SULF1: variants seen among roughly 807,000 people sequenced by gnomAD.
SULF1 encodes sulfatase 1.
SULF1 carries 46 observed loss-of-function variants against 110.5 expected under a neutral mutation model. The observed-to-expected ratio is 0.42, with a 90% CI of 0.33 to 0.53. SULF1 has a LOEUF of 0.53. Among genes scored for constraint, SULF1 ranks in the 20% least tolerant of loss-of-function variants. The probability of loss-of-function intolerance (pLI) is 0.12; values close to 1 mark genes in which losing one functional copy is unlikely to be tolerated. For synonymous variants in SULF1, 371 were observed against 387.1 expected, an observed-to-expected ratio of 0.96 and a Z score of 0.49; for missense variants, 941 against 1,094.2, an observed-to-expected ratio of 0.86 and a Z score of 1.98.
chr8:69,489,766 C>T (rs182288362), upstream of SULF1, among the ~76,000 whole-genome samples: 207 of 151,642 alleles, frequency 1.4e-3, 1 homozygote, highest in South Asian at 5.0e-3. Flanking sequence ...TCAGTAGAGA[C>T]GGGGTTTCAC....
intron 1 of SULF1, among the ~76,000 whole-genome samples, chr8:69,479,968 A>G (rs1206854724): frequency 6.6e-6 from 1 of 152,112 alleles, no homozygotes; most frequent in East Asian, 1.9e-4. Flanking sequence ...GTAATCAGGC[A>G]GTGTAAATGA....
chr8:69,533,035 G>C (rs1357521007), intron 3 of SULF1, among the ~76,000 whole-genome samples: 1 of 152,180 alleles, frequency 6.6e-6, no homozygotes, highest in Non-Finnish European at 1.5e-5. Flanking sequence ...ATGGCCACAT[G>C]ATCAAGAACA....
At chr8:69,652,142 T>C (rs1160605704) in intron 22 of SULF1, among the ~76,000 whole-genome samples, 2 of 152,102 alleles carry the variant, frequency 1.3e-5, no homozygotes, top group African/African-American at 4.8e-5. Context: ...TCTCGTTCTC[T>C]ACCCCTCCTT....
chr8:69,603,260 C>T lies in SULF1; in HGVS notation c.1130C>T (p.Pro377Leu). 1 of 1,614,150 alleles carries T rather than the reference C, an allele frequency of 6.2e-7. No individual in the cohort carries two copies. ...TILDIAGLDT[P>L]PDVDGKSVLK... ...CTGGATATTGCTGGGCTCGACACAC[C>T]TCCTGATGTGGACGGCAAGTCTGTC... Residue 377 changes from proline to leucine, a missense_variant, in exon 11 of 23, where the codon CCT (proline) becomes CTT (leucine). Around this residue, in one of 3 missense-constraint regions of SULF1, gnomAD observed 822 missense variants for 934.3 expected, o/e 0.88. Transcript: ENST00000402687.
At chr8:69,574,575 A>T (rs979713366) in intron 5 of SULF1, among the ~76,000 whole-genome samples, 1 of 152,144 alleles carries the variant, frequency 6.6e-6, no homozygotes, top group African/African-American at 2.4e-5. Flanking sequence ...TGATTTTTCT[A>T]TGTAGGTTCT....
At chr8:69,520,248 C>G (rs1812206983) in intron 3 of SULF1, among the ~76,000 whole-genome samples, 1 of 151,866 alleles carries the variant, frequency 6.6e-6, no homozygotes, top group Non-Finnish European at 1.5e-5. Flanking sequence ...CTCATTTGAT[C>G]CACAGGATTC....
intron 3 of SULF1, among the ~76,000 whole-genome samples, chr8:69,517,501 G>A (rs1172163294): frequency 6.6e-6 from 1 of 152,090 alleles, no homozygotes; most frequent in Non-Finnish European, 1.5e-5. Flanking sequence ...CAGGAAGTAA[G>A]GGTTTTAGGG....
At position 69,527,376 on chromosome 8, in the gene SULF1, G is replaced by A. The variant is rs539120071; in HGVS notation, c.-134+25408G>A. Among the ~76,000 whole-genome samples, 143 of 152,184 alleles carry A rather than the reference G, an allele frequency of 9.4e-4. 4 individuals are homozygous for A. Among genetic ancestry groups the A allele is most frequent in the Middle Eastern group, 3.4e-3 (1 of 294 alleles). Reference sequence around the variant, plus strand: ...AAAATAATACAAAAACCTGACAATAGCCATGTCATTGGGGGCAAGCGGAAA... The same window carrying A: ...AAAATAATACAAAAACCTGACAATAACCATGTCATTGGGGGCAAGCGGAAA... On this transcript the variant is annotated intron_variant, in intron 3 of 22. Transcript: ENST00000402687.
At chr8:69,548,897 A>G (rs914993355) in intron 3 of SULF1, among the ~76,000 whole-genome samples, 1 of 152,132 alleles carries the variant, frequency 6.6e-6, no homozygotes, top group African/African-American at 2.4e-5. Flanking sequence ...TTTTGCCACA[A>G]TCCCCAATGA....
intron 22 of SULF1, among the ~76,000 whole-genome samples, chr8:69,653,019 G>A (rs1812466346): frequency 6.6e-6 from 1 of 152,060 alleles, no homozygotes; most frequent in South Asian, 2.1e-4. Flanking sequence ...GAGCAACTAC[G>A]TTTCATCCAG....
chr8:69,515,893 CT>C (rs1811890218), intron 3 of SULF1, among the ~76,000 whole-genome samples: 1 of 152,180 alleles, frequency 6.6e-6, no homozygotes, highest in Non-Finnish European at 1.5e-5. Context: ...CAAGAGTGGC[CT>C]TTACTCAAGT....
chr8:69,539,076 G>A (rs1813679182), intron 3 of SULF1, among the ~76,000 whole-genome samples: 3 of 152,208 alleles, frequency 2.0e-5, no homozygotes, highest in Admixed American at 6.5e-5. Flanking sequence ...GCCTTTGAAA[G>A]GACAGCAGAG....
At position 69,659,251 on chromosome 8, in the gene SULF1, G is replaced by A. The variant is rs1812956487; in HGVS notation, c.*716G>A. 2.2e-6 allele frequency: 1 copy of A among 453,804 alleles called. No individual in the cohort carries two copies. The highest frequency in any genetic ancestry group is 2.0e-5 in the African/African-American group (1 of 49,826). 28.1% of individuals were successfully genotyped at this position (453,804 alleles called of 1,614,324 possible). A position where few individuals can be genotyped will look rare whatever the true frequency, so the allele number is the denominator to read the frequency against. ...AGCGGGGAAGATGTTGACCAAGGTG[G>A]AGAAGAATCACGAAAAGGAGAAGTC... On this transcript the variant is annotated 3_prime_UTR_variant, in exon 23 of 23. Transcript: ENST00000402687.
At chr8:69,640,630 AGCTTTCAATCT>A (rs1811407428) in intron 21 of SULF1, among the ~76,000 whole-genome samples, 167 bp from the exon 22 acceptor site, 1 of 151,866 alleles carries the variant, frequency 6.6e-6, no homozygotes. Flanking sequence ...TTTCATTCAT[AGCTTTCAATCT>A]GCATTTTGAA....
chr8:69,643,385 T>C (rs1424484022), intron 22 of SULF1, among the ~76,000 whole-genome samples: 1 of 152,042 alleles, frequency 6.6e-6, no homozygotes, highest in Non-Finnish European at 1.5e-5. Flanking sequence ...GTGTCTTAAT[T>C]CTTTTAGATT....
intron 13 of SULF1, among the ~76,000 whole-genome samples, chr8:69,612,911 A>T (rs1808775429): frequency 6.6e-6 from 1 of 152,080 alleles, no homozygotes; most frequent in Admixed American, 6.6e-5. Context: ...TTGGGGTCTT[A>T]GTTATGAGTT....
intron 22 of SULF1, among the ~76,000 whole-genome samples, chr8:69,651,958 G>A (rs1812374996): frequency 6.6e-6 from 1 of 152,010 alleles, no homozygotes; most frequent in Non-Finnish European, 1.5e-5. Flanking sequence ...AATCTTACTG[G>A]GCTGAAATCT....
In SULF1 at chr8:69,643,429, C is replaced by A. The variant is rs907949210; in HGVS notation, c.2585+2588C>A. ...TTTAGAAAACTAAAAAAAAAAAAAA[C>A]AAGTTTTTATCGTGAAATTTGATTA... On this transcript the variant is annotated intron_variant, in intron 22 of 22. Transcript: ENST00000402687. Among the ~76,000 whole-genome samples, 49 of 144,780 alleles carry A rather than the reference C, an allele frequency of 3.4e-4. No homozygotes were observed. The East Asian group carries it at 5.4e-3, about 16-fold the overall frequency. 95.0% of individuals were successfully genotyped at this position (144,780 alleles called of 152,430 possible). A position where few individuals can be genotyped will look rare whatever the true frequency, so the allele number is the denominator to read the frequency against.
At chr8:69,607,587 C>A (rs1808322046) in intron 13 of SULF1, among the ~76,000 whole-genome samples, 1 of 152,176 alleles carries the variant, frequency 6.6e-6, no homozygotes, top group Admixed American at 6.5e-5. Flanking sequence ...TGATCTGGAA[C>A]TCCAGGACTC....
Sources: gnomAD v4.1 joint callset for allele counts (sites outside exome capture counted in the v4.1 genomes callset) on GRCh38, gnomAD v4.1.1 for gene constraint, gnomAD v4.1.1 regional missense constraint, MANE v1.5 for transcripts, NCBI Gene and HGNC (gene_info 2026-07-23, HGNC 2026-07-21) for gene names.